OLFM3: variants seen among roughly 807,000 people sequenced by gnomAD.
The protein encoded by OLFM3 is olfactomedin 3, also known as noelin-3.
A neutral mutation model predicts 48.6 loss-of-function variants in OLFM3; 20 were observed. The ratio of observed to expected loss-of-function variants is 0.41; its 90% confidence interval spans 0.29 to 0.60. The LOEUF is 0.60. OLFM3 is among the 20% of genes least tolerant of loss of function. The pLI is 0.28. For synonymous variants in OLFM3, 222 were observed against 198.1 expected, an observed-to-expected ratio of 1.12 and a Z score of -1.01; for missense variants, 437 against 544.3, an observed-to-expected ratio of 0.80 and a Z score of 1.96.
chr1:101,838,533 C>A (rs1333750903), intron 1 of OLFM3, among the ~76,000 whole-genome samples: 2 of 152,182 alleles, frequency 1.3e-5, no homozygotes, highest in African/African-American at 2.4e-5. Flanking sequence ...AAGAAAGTTA[C>A]CACATGTAGA....
At chr1:101,990,157 G>A (rs1242958341) in intron 1 of OLFM3, among the ~76,000 whole-genome samples, 1 of 152,108 alleles carries the variant, frequency 6.6e-6, no homozygotes, top group African/African-American at 2.4e-5. Flanking sequence ...TTTTTCCTAA[G>A]AAACTTGTAA....
intron 1 of OLFM3, among the ~76,000 whole-genome samples, chr1:101,913,243 A>G (rs1365383195): frequency 6.6e-6 from 1 of 152,176 alleles, no homozygotes; most frequent in African/African-American, 2.4e-5. Context: ...GATTTTCCAC[A>G]TCAGACATTT....
chr1:101,952,009 T>C (rs1039948407), intron 1 of OLFM3, among the ~76,000 whole-genome samples: 2 of 147,396 alleles, frequency 1.4e-5, no homozygotes, highest in African/African-American at 2.5e-5. Flanking sequence ...GAAAAAACAT[T>C]ACCAAATATT....
intron 1 of OLFM3, among the ~76,000 whole-genome samples, chr1:101,921,542 T>G (rs12067083): frequency 0.36 from 54,345 of 151,928 alleles, 9,881 homozygotes; most frequent in African/African-American, 0.44. Context: ...AAGCTTGGCT[T>G]GAGTAAAAGG....
chr1:101,812,587 A>G (rs1654120321), intron 4 of OLFM3: 4 of 985,490 alleles, frequency 4.1e-6, no homozygotes, highest in Non-Finnish European at 3.6e-6. Flanking sequence ...TATCTAATCG[A>G]CATTTCCAAA....
At chr1:101,806,487 T>C (rs1041854378) in intron 4 of OLFM3, among the ~76,000 whole-genome samples, 1 of 151,838 alleles carries the variant, frequency 6.6e-6, no homozygotes, top group Non-Finnish European at 1.5e-5. Flanking sequence ...CAGTGGCTGC[T>C]ACTTTTAAGT....
chr1:101,829,986 C>A (rs1273319575), intron 3 of OLFM3, among the ~76,000 whole-genome samples: 4 of 152,020 alleles, frequency 2.6e-5, no homozygotes, highest in Non-Finnish European at 4.4e-5. Flanking sequence ...AGGCGCCCAC[C>A]ACCACACCCG....
intron 1 of OLFM3, among the ~76,000 whole-genome samples, chr1:101,892,930 T>C (rs916988155): frequency 2.0e-5 from 3 of 152,124 alleles, no homozygotes; most frequent in Non-Finnish European, 2.9e-5. Flanking sequence ...TCTTACTATT[T>C]TTGGTGAAGG....
chr1:101,915,341 A>C (rs1658887502), intron 1 of OLFM3, among the ~76,000 whole-genome samples: 1 of 151,298 alleles, frequency 6.6e-6, no homozygotes, highest in South Asian at 2.1e-4. Context: ...TTGTACATTT[A>C]ATCCTCTTGG....
intron 1 of OLFM3, among the ~76,000 whole-genome samples, chr1:101,934,681 A>C (rs1479940431): frequency 6.6e-6 from 1 of 152,184 alleles, no homozygotes; most frequent in Admixed American, 6.5e-5. Flanking sequence ...TCTCATCTGC[A>C]CATAGCATAT....
chr1:101,932,233 T>C (rs1026975398), intron 1 of OLFM3, among the ~76,000 whole-genome samples: 2 of 152,222 alleles, frequency 1.3e-5, no homozygotes, highest in Non-Finnish European at 2.9e-5. Flanking sequence ...TTGAAATTGG[T>C]GGGTTCATCT....
intron 1 of OLFM3, among the ~76,000 whole-genome samples, chr1:101,981,474 C>T (rs1035956609): frequency 2.0e-5 from 3 of 152,148 alleles, no homozygotes; most frequent in Admixed American, 6.5e-5. Flanking sequence ...TCTAGGTATA[C>T]TTTATTTCTC....
At chr1:101,832,080 T>C (rs563752585) in intron 2 of OLFM3, among the ~76,000 whole-genome samples, 1 of 152,226 alleles carries the variant, frequency 6.6e-6, no homozygotes, top group South Asian at 2.1e-4. Context: ...TTTTCGTATT[T>C]TTATTAGAGT....
intron 1 of OLFM3, among the ~76,000 whole-genome samples, chr1:101,885,868 C>G (rs1398823221): frequency 1.3e-5 from 2 of 151,994 alleles, no homozygotes; most frequent in African/African-American, 4.8e-5. Context: ...CAACAGCAGG[C>G]TATTAGTAGT....
At chr1:101,944,472 G>A (rs1455568771) in intron 1 of OLFM3, among the ~76,000 whole-genome samples, 3 of 152,152 alleles carry the variant, frequency 2.0e-5, no homozygotes. Flanking sequence ...AACTCCTGGA[G>A]AAAACCATTC....
At position 101,802,725 on chromosome 1, in the gene OLFM3, G is replaced by T. The variant is rs1653548114; in HGVS notation, c.*1513C>A. 1.3e-5 allele frequency: 2 copies of T among 151,534 alleles called. No individual in the cohort carries two copies. The highest frequency in any genetic ancestry group is 4.1e-4 in the South Asian group (2 of 4,824). The allele number at this position is 151,534 out of a possible 1,614,324, so 9.4% of individuals were successfully genotyped here. A position where few individuals can be genotyped will look rare whatever the true frequency, so the allele number is the denominator to read the frequency against. Reference sequence around the variant, plus strand: ...AATCATTACATCCTTATCTTTCAAAGAAAATCATGGTACTATGTATGTGTG... The same window carrying T: ...AATCATTACATCCTTATCTTTCAAATAAAATCATGGTACTATGTATGTGTG... On this transcript the variant is annotated 3_prime_UTR_variant, in exon 6 of 6. Transcript: ENST00000370103.
At chr1:101,890,894 A>G (rs1224169189) in intron 1 of OLFM3, among the ~76,000 whole-genome samples, 8 of 151,996 alleles carry the variant, frequency 5.3e-5, no homozygotes, top group Admixed American at 3.3e-4. Flanking sequence ...CAACAGAATG[A>G]ATTAACACTG....
At chr1:101,848,043 G>C (rs58766715) in intron 1 of OLFM3, among the ~76,000 whole-genome samples, 6,850 of 152,230 alleles carry the variant, frequency 0.045, 461 homozygotes, top group African/African-American at 0.14. Flanking sequence ...ACATTAGCAA[G>C]TGTGGTATAT....
intron 1 of OLFM3, among the ~76,000 whole-genome samples, chr1:101,926,844 G>A (rs1659286341): frequency 6.6e-6 from 1 of 152,046 alleles, no homozygotes; most frequent in Non-Finnish European, 1.5e-5. Context: ...ACTGAACAAA[G>A]TTTTCTAACA....
Sources: gnomAD v4.1 joint callset for allele counts (sites outside exome capture counted in the v4.1 genomes callset) on GRCh38, gnomAD v4.1.1 for gene constraint, MANE v1.5 for transcripts, NCBI Gene and HGNC (gene_info 2026-07-23, HGNC 2026-07-21) for gene names.